N4BP2L1: variants seen among roughly 807,000 people sequenced by gnomAD.
N4BP2L1 encodes NEDD4 binding protein 2 like 1.
N4BP2L1 carries 12 observed loss-of-function variants against 21.2 expected under a neutral mutation model. That is an observed-to-expected ratio of 0.57 (90% CI 0.36 to 0.92). N4BP2L1 has a LOEUF of 0.92. Among genes scored for constraint, N4BP2L1 ranks in the 40% least tolerant of loss-of-function variants. N4BP2L1 has a pLI of 0.01. For missense variants in N4BP2L1, 259 were observed against 310.6 expected (o/e 0.83, Z 1.25); for synonymous variants, 104 against 112.8 (o/e 0.92, Z 0.49).
upstream of N4BP2L1, among the ~76,000 whole-genome samples, chr13:32,429,315 T>C (rs140011861): frequency 3.5e-4 from 53 of 152,332 alleles, no homozygotes; most frequent in African/African-American, 1.2e-3. Context: ...TGCTCTCCCT[T>C]GAAAATCCAT....
intron 1 of N4BP2L1, among the ~76,000 whole-genome samples, chr13:32,422,423 G>A (rs1566348716): frequency 6.6e-6 from 1 of 152,070 alleles, no homozygotes; most frequent in Non-Finnish European, 1.5e-5. Flanking sequence ...CAGTGTCTTG[G>A]GCTCAGACCA....
Position 32,427,869 on chromosome 13 carries a change from G to C in N4BP2L1, c.179+35C>G, listed in dbSNP as rs556755872. 56 of 1,388,974 alleles carry C rather than the reference G, an allele frequency of 4.0e-5. No homozygotes were observed. In the South Asian group the frequency reaches 8.2e-4, roughly 20 times the overall value. The allele number at this position is 1,388,974 out of a possible 1,614,324, so 86.0% of individuals were successfully genotyped here. A position where few individuals can be genotyped will look rare whatever the true frequency, so the allele number is the denominator to read the frequency against. On this transcript the variant is annotated intron_variant, in intron 1 of 4. Coordinates refer to ENST00000380130, the MANE Select transcript of N4BP2L1 (RefSeq NM_052818.3). ...TCGGCCGGGGCGTTTGGTGGCCCCG[G>C]GCCCGTGCACCGGCGCCCAGACCGC...
intron 1 of N4BP2L1, among the ~76,000 whole-genome samples, chr13:32,408,610 C>T (rs1356715442): frequency 1.3e-5 from 2 of 152,184 alleles, no homozygotes; most frequent in Non-Finnish European, 2.9e-5. Flanking sequence ...TGTCATGCTC[C>T]GCAAGAACTG....
chr13:32,421,604 G>T (rs1310240417), intron 1 of N4BP2L1, among the ~76,000 whole-genome samples: 2 of 152,116 alleles, frequency 1.3e-5, no homozygotes, highest in Non-Finnish European at 2.9e-5. Flanking sequence ...GGGTTATTGT[G>T]AAGATTCAAT....
At chr13:32,410,734 TA>T (rs1040868694) in intron 1 of N4BP2L1, among the ~76,000 whole-genome samples, 3 of 152,238 alleles carry the variant, frequency 2.0e-5, no homozygotes, top group African/African-American at 7.2e-5. Context: ...TCATCAATAT[TA>T]TTTAAATAAT....
intron 3 of N4BP2L1, chr13:32,407,014 C>A: frequency 1.9e-6 from 1 of 531,086 alleles, no homozygotes; most frequent in South Asian, 2.1e-5. Context: ...ACACCAAAGA[C>A]CATTTGCCAA....
intron 1 of N4BP2L1, among the ~76,000 whole-genome samples, chr13:32,417,721 A>T (rs543134922): frequency 6.6e-6 from 1 of 152,268 alleles, no homozygotes; most frequent in African/African-American, 2.4e-5. Flanking sequence ...CTTCCTAGAG[A>T]TTTGTTGAAT....
At chr13:32,422,417 G>T (rs1041549366) in intron 1 of N4BP2L1, among the ~76,000 whole-genome samples, 1 of 152,200 alleles carries the variant, frequency 6.6e-6, no homozygotes, top group Admixed American at 6.5e-5. Flanking sequence ...GCTTCTCAGT[G>T]TCTTGGGCTC....
chr13:32,411,646 A>T, intron 1 of N4BP2L1: 1 of 985,296 alleles, frequency 1.0e-6, no homozygotes, highest in Non-Finnish European at 1.2e-6. Context: ...AAATAGAAAG[A>T]TAATTAATTC....
intron 1 of N4BP2L1, among the ~76,000 whole-genome samples, chr13:32,418,021 A>T (rs1233770542): frequency 1.3e-5 from 2 of 152,238 alleles, no homozygotes; most frequent in Admixed American, 6.5e-5. Flanking sequence ...CCCCATTTTC[A>T]GGTGAGAAAT....
At position 32,406,860 on chromosome 13, in the gene N4BP2L1, G is replaced by A. The variant is rs554284507; in HGVS notation, c.396+390C>T. The A allele has an allele frequency of 6.8e-4, 120 of 176,036 alleles. 2 individuals carry two copies. In the South Asian group the frequency reaches 0.015, roughly 23 times the overall value. The allele number at this position is 176,036 out of a possible 1,614,324, so 10.9% of individuals were successfully genotyped here. A position where few individuals can be genotyped will look rare whatever the true frequency, so the allele number is the denominator to read the frequency against. On this transcript the variant is annotated intron_variant, in intron 3 of 4. Transcript: ENST00000380130. ...TGTGGAAATTCCCGGCTCACCAGAG[G>A]CAGAACCGTCCTGTTGTGACCTGTA...
At chr13:32,409,999 G>C (rs2073759072) in intron 1 of N4BP2L1, among the ~76,000 whole-genome samples, 1 of 152,236 alleles carries the variant, frequency 6.6e-6, no homozygotes. Flanking sequence ...TGTCAGAGGA[G>C]CAAAGATCAT....
chr13:32,418,112 G>C (rs2074251525), intron 1 of N4BP2L1, among the ~76,000 whole-genome samples: 1 of 152,186 alleles, frequency 6.6e-6, no homozygotes, highest in Non-Finnish European at 1.5e-5. Flanking sequence ...TGTCTCCAGG[G>C]CATGGCAGAG....
intron 3 of N4BP2L1, among the ~76,000 whole-genome samples, chr13:32,405,892 C>CAT: frequency 9.9e-6 from 1 of 101,194 alleles, no homozygotes; most frequent in Non-Finnish European, 1.8e-5. Context: ...TTCCTGCCCC[C>CAT]TTTTTTTTTT....
intron 1 of N4BP2L1, chr13:32,411,588 G>A (rs923250655): frequency 1.1e-5 from 11 of 985,176 alleles, no homozygotes; most frequent in Non-Finnish European, 1.3e-5. Context: ...ATGGTGGTCA[G>A]GAGCCTCATG....
intron 1 of N4BP2L1, among the ~76,000 whole-genome samples, chr13:32,415,789 C>T (rs1328701717): frequency 6.6e-6 from 1 of 152,140 alleles, no homozygotes; most frequent in Non-Finnish European, 1.5e-5. Context: ...AGCTCATAAT[C>T]ATGAACATTT....
In N4BP2L1 at chr13:32,401,320, T is replaced by G. The variant is rs543091728; in HGVS notation, c.*1622A>C. 6.6e-6 allele frequency: 1 copy of G among 152,116 alleles called. No individual in the cohort carries two copies. The highest frequency in any genetic ancestry group is 2.4e-5 in the African/African-American group (1 of 41,414). 9.4% of individuals were successfully genotyped at this position (152,116 alleles called of 1,614,324 possible). A position where few individuals can be genotyped will look rare whatever the true frequency, so the allele number is the denominator to read the frequency against. On this transcript the variant is annotated 3_prime_UTR_variant, in exon 5 of 5. Coordinates refer to ENST00000380130, the MANE Select transcript of N4BP2L1 (RefSeq NM_052818.3). ...ATGGGAGCATTATTAAGTAGATCAT[T>G]AGGAGATTATTTTATGTTGTGCTTG...
intron 1 of N4BP2L1, among the ~76,000 whole-genome samples, chr13:32,421,544 C>T (rs1874256759): frequency 6.6e-6 from 1 of 152,154 alleles, no homozygotes; most frequent in Non-Finnish European, 1.5e-5. Context: ...AAATGTGTGA[C>T]TCTCCAATCC....
intron 1 of N4BP2L1, chr13:32,411,555 G>A (rs988045623): frequency 1.0e-6 from 1 of 985,310 alleles, no homozygotes; most frequent in African/African-American, 1.7e-5. Flanking sequence ...AAGTGATGAG[G>A]GTTAAGCCCC....
Sources: gnomAD v4.1 joint callset for allele counts (sites outside exome capture counted in the v4.1 genomes callset) on GRCh38, gnomAD v4.1.1 for gene constraint, MANE v1.5 for transcripts, NCBI Gene and HGNC (gene_info 2026-07-23, HGNC 2026-07-21) for gene names.